The following TSNARE1 variants were observed in gnomAD, a reference collection of about 807,000 sequenced individuals.
TSNARE1 encodes t-SNARE domain-containing protein 1.
TSNARE1 carries 49 observed loss-of-function variants against 62.0 expected under a neutral mutation model. The observed-to-expected ratio is 0.79, with a 90% CI of 0.63 to 1.00. TSNARE1 has a LOEUF of 1.00. TSNARE1 is among the 50% of genes least tolerant of loss of function. TSNARE1 has a pLI of 0.00. For synonymous variants in TSNARE1, 328 were observed against 294.4 expected (o/e 1.11, Z -1.17); for missense variants, 755 against 700.1 (o/e 1.08, Z -0.88).
At chr8:142,303,578 G>A (rs1826144997) in intron 9 of TSNARE1, among the ~76,000 whole-genome samples, 1 of 152,232 alleles carries the variant, frequency 6.6e-6, no homozygotes, top group Non-Finnish European at 1.5e-5. Context: ...CCCTACGCCA[G>A]GCACTGGGAC....
intron 4 of TSNARE1, among the ~76,000 whole-genome samples, chr8:142,343,213 C>G (rs751210798): frequency 6.6e-5 from 10 of 152,230 alleles, no homozygotes; most frequent in Non-Finnish European, 1.3e-4. Flanking sequence ...CCTGCCCACC[C>G]TGACACCACA....
At chr8:142,397,940 G>C (rs774689357) in intron 1 of TSNARE1, among the ~76,000 whole-genome samples, 3 of 151,780 alleles carry the variant, frequency 2.0e-5, no homozygotes, top group African/African-American at 4.8e-5. Context: ...AGACCTCTTC[G>C]GCAAACCTCA....
At chr8:142,278,672 C>T (rs959406062) in intron 11 of TSNARE1, 6 of 985,424 alleles carry the variant, frequency 6.1e-6, no homozygotes, top group Non-Finnish European at 7.2e-6. Flanking sequence ...GGGCTGCAGA[C>T]GAGGCCTGAC....
intron 12 of TSNARE1, among the ~76,000 whole-genome samples, chr8:142,252,323 C>T (rs554980352): frequency 2.6e-5 from 4 of 152,342 alleles, no homozygotes; most frequent in Middle Eastern, 3.4e-3. Flanking sequence ...CGGGCCCCCC[C>T]GGTACCAGGG....
intron 11 of TSNARE1, chr8:142,275,141 G>C: frequency 1.0e-6 from 1 of 985,460 alleles, no homozygotes; most frequent in Non-Finnish European, 1.2e-6. Flanking sequence ...ACTCAGGAAA[G>C]GGTGGGAGTG....
At chr8:142,393,138 G>A (rs1461941137) in intron 1 of TSNARE1, among the ~76,000 whole-genome samples, 1 of 152,166 alleles carries the variant, frequency 6.6e-6, no homozygotes, top group African/African-American at 2.4e-5. Context: ...CCACACCGTG[G>A]AACAGGCCTC....
intron 12 of TSNARE1, among the ~76,000 whole-genome samples, chr8:142,249,163 C>A (rs1015986736): frequency 6.6e-5 from 10 of 152,230 alleles, no homozygotes; most frequent in Non-Finnish European, 1.3e-4. Flanking sequence ...TGGCTTGACC[C>A]CAATTTATAA....
intron 1 of TSNARE1, among the ~76,000 whole-genome samples, chr8:142,375,901 GGT>G (rs1836297020): frequency 6.6e-6 from 1 of 152,186 alleles, no homozygotes; most frequent in Non-Finnish European, 1.5e-5. Context: ...ACGCCTGCAG[GGT>G]GTAAGGAGAG....
chr8:142,328,352 T>C (rs1019967053), intron 6 of TSNARE1, among the ~76,000 whole-genome samples: 1 of 152,172 alleles, frequency 6.6e-6, no homozygotes, highest in Non-Finnish European at 1.5e-5. Flanking sequence ...CCCTCCTTAT[T>C]TGGAAATGTC....
chr8:142,347,587 T>C (rs186745409), intron 2 of TSNARE1, among the ~76,000 whole-genome samples: 1 of 152,300 alleles, frequency 6.6e-6, no homozygotes, highest in Admixed American at 6.5e-5. Flanking sequence ...TGCTCAGAAA[T>C]GGGGTCCCAC....
intron 1 of TSNARE1, among the ~76,000 whole-genome samples, chr8:142,399,188 C>G (rs1838114048): frequency 6.6e-6 from 1 of 152,234 alleles, no homozygotes; most frequent in African/African-American, 2.4e-5. Flanking sequence ...CCAGGGAACT[C>G]AGACCAAGAA....
intron 12 of TSNARE1, among the ~76,000 whole-genome samples, chr8:142,262,630 A>G (rs1417633831): frequency 6.6e-6 from 1 of 152,110 alleles, no homozygotes; most frequent in Non-Finnish European, 1.5e-5. Context: ...TGTCATGGCG[A>G]TAGTGAGTTC....
intron 10 of TSNARE1, among the ~76,000 whole-genome samples, chr8:142,288,203 C>T (rs1009168280): frequency 2.6e-5 from 4 of 152,318 alleles, no homozygotes; most frequent in East Asian, 1.9e-4. Flanking sequence ...GGGCCTGGGA[C>T]GCCCAGCGGC....
intron 11 of TSNARE1, chr8:142,280,222 G>A (rs865838826): frequency 3.3e-5 from 33 of 985,272 alleles, no homozygotes; most frequent in African/African-American, 1.7e-4. Context: ...GTGGGGGCCC[G>A]GCCGCAGGGG....
chr8:142,349,006 C>G (rs745722306), intron 2 of TSNARE1, among the ~76,000 whole-genome samples: 1 of 152,194 alleles, frequency 6.6e-6, no homozygotes, highest in Non-Finnish European at 1.5e-5. Flanking sequence ...GCCCCACCAG[C>G]CTGCCTGGAA....
At chr8:142,320,843 C>T (rs1719973156) in intron 6 of TSNARE1, among the ~76,000 whole-genome samples, 1 of 152,242 alleles carries the variant, frequency 6.6e-6, no homozygotes, top group Non-Finnish European at 1.5e-5. Context: ...CTCCTCTAGA[C>T]TCCCATGTGG....
At chr8:142,223,287 TAC>T (rs1308928961) in intron 13 of TSNARE1, among the ~76,000 whole-genome samples, 101 of 5,308 alleles carry the variant, frequency 0.019, 5 homozygotes, top group African/African-American at 0.059. Context: ...CACTCACTCA[TAC>T]TCACTCAACC....
intron 10 of TSNARE1, among the ~76,000 whole-genome samples, chr8:142,285,606 T>C (rs1182589132): frequency 7.0e-6 from 1 of 142,562 alleles, no homozygotes; most frequent in East Asian, 2.1e-4. Flanking sequence ...TGTGGATGGA[T>C]GATGGACAGG....
In TSNARE1 at chr8:142,318,610, G is replaced by A. The variant is rs1318863883; in HGVS notation, c.918C>T (p.Asn306=). Residue 306 remains asparagine, a synonymous_variant, in exon 7 of 14, where the codon AAC becomes AAT. Transcript: ENST00000524325. ...AGCTGGCGCTGGCTGCAATGGTCTT[G>A]TTGGTCTCCTGCTGTGCCGTGTGCC... ...DSLHTAQQET[N]KTIAASASSV... 2 of 1,613,704 alleles carry A rather than the reference G, an allele frequency of 1.2e-6. No homozygotes were observed. Among genetic ancestry groups the A allele is most frequent in the African/African-American group, 2.7e-5 (2 of 74,908 alleles).
Sources: allele counts gnomAD v4.1 joint callset (sites outside exome capture counted in the v4.1 genomes callset), GRCh38; gene constraint gnomAD v4.1.1; transcripts MANE v1.5; gene names NCBI Gene and HGNC (gene_info 2026-07-23, HGNC 2026-07-21).